PARD6G: variants seen among roughly 807,000 people sequenced by gnomAD.
PARD6G encodes partitioning defective 6 homolog gamma.
PARD6G carries 7 observed loss-of-function variants against 10.7 expected under a neutral mutation model. The ratio of observed to expected loss-of-function variants is 0.66; its 90% CI spans 0.37 to 1.23. The LOEUF (loss-of-function observed/expected upper bound fraction) is 1.23. PARD6G is among the 50% of genes most tolerant of loss of function. The pLI is 0.02. For synonymous variants in PARD6G, 287 were observed against 269.4 expected, an observed-to-expected ratio of 1.07 and a Z score of -0.64; for missense variants, 548 against 571.8, an observed-to-expected ratio of 0.96 and a Z score of 0.42.
chr18:80,169,665 A>G (rs2145250013), intron 2 of PARD6G: 1 of 152,250 alleles, frequency 6.6e-6, no homozygotes. Context: ...ATTCAACTTC[A>G]TTACCTAAAG....
chr18:80,184,518 C>G lies in PARD6G; in HGVS notation c.295+18192G>C, dbSNP rs1035213166. 1 of 151,412 alleles carries G rather than the reference C, an allele frequency of 6.6e-6. No individual in the cohort carries two copies. Among genetic ancestry groups the G allele is most frequent in the African/African-American group, 2.4e-5 (1 of 40,960 alleles). 9.4% of individuals were successfully genotyped at this position (151,412 alleles called of 1,614,324 possible). ...GTGAAACCCGCAGAGGGAGCAAGGC[C>G]GTGAAACCCGCAGCGGGAGCAAGGC... On this transcript the variant is annotated intron_variant, in intron 2 of 2. Transcript: ENST00000353265. The surrounding 1 kb of genome is among the most constrained non-coding windows in gnomAD (Gnocchi z 4.5).
At chr18:80,177,025 G>GCACA (rs111315126) in intron 2 of PARD6G, among the ~76,000 whole-genome samples, 41,952 of 136,968 alleles carry the variant, frequency 0.31, 6,774 homozygotes, top group Non-Finnish European at 0.37. Context: ...GCGCGCGCGT[G>GCACA]CACACACACA....
Position 80,166,298 on chromosome 18 carries a change from G to A in PARD6G, c.296-5692C>T, listed in dbSNP as rs149130964. ...CATGAGTGTGTTCCTCCTCTCTGCC[G>A]CACCCCAAGCAGAACAAAGGCCCAG... On this transcript the variant is annotated intron_variant, in intron 2 of 2. Coordinates refer to ENST00000353265, the MANE Select transcript of PARD6G (RefSeq NM_032510.4). 2.3e-3 allele frequency among the ~76,000 whole-genome samples: 353 copies of A among 150,862 alleles called. 2 individuals carry two copies. The highest frequency in any genetic ancestry group is 3.2e-3 in the Non-Finnish European group (215 of 67,884).
chr18:80,222,465 A>T (rs2145295215), intron 1 of PARD6G, among the ~76,000 whole-genome samples: 1 of 152,300 alleles, frequency 6.6e-6, no homozygotes, highest in Middle Eastern at 3.4e-3. Flanking sequence ...TCAGAATCTT[A>T]GCTGTATCTT....
chr18:80,233,834 T>C (rs1486893850), intron 1 of PARD6G, among the ~76,000 whole-genome samples: 3 of 152,128 alleles, frequency 2.0e-5, no homozygotes, highest in African/African-American at 7.2e-5. Flanking sequence ...ACTGACTGAT[T>C]TATAACCCAG....
chr18:80,239,304 G>A (rs1007906110), intron 1 of PARD6G, among the ~76,000 whole-genome samples: 1 of 152,198 alleles, frequency 6.6e-6, no homozygotes, highest in Non-Finnish European at 1.5e-5. Flanking sequence ...GGTCCTTGGA[G>A]CACTTGAGTG....
chr18:80,224,438 T>C (rs1194729601), intron 1 of PARD6G, among the ~76,000 whole-genome samples: 1 of 152,198 alleles, frequency 6.6e-6, no homozygotes, highest in Non-Finnish European at 1.5e-5. Context: ...ACAAACCTCC[T>C]CATCATGTGA....
intron 2 of PARD6G, chr18:80,171,183 G>A (rs1413215518): frequency 6.6e-6 from 1 of 152,278 alleles, no homozygotes; most frequent in East Asian, 1.9e-4. Flanking sequence ...GCTGTGCCTC[G>A]TCCAACAAGC....
chr18:80,195,548 C>CATACATATATATATATAT (rs767700720), intron 2 of PARD6G, among the ~76,000 whole-genome samples: 2 of 82,214 alleles, frequency 2.4e-5, no homozygotes, highest in African/African-American at 4.3e-5. Context: ...TTCAAAGATA[C>CATACATATATATATATAT]ATATATATAT....
chr18:80,195,058 G>A lies in PARD6G; in HGVS notation c.295+7652C>T, dbSNP rs564369482. ...GTCCCACCTTGGACGAATCACTTGA[G>A]CTCGAGATGATCATTGGCCTAATAT... On this transcript the variant is annotated intron_variant, in intron 2 of 2. Transcript: ENST00000353265. Among the ~76,000 whole-genome samples the A allele has an allele frequency of 1.7e-3, 264 of 152,044 alleles. 1 individual carries two copies. The Middle Eastern group carries it at 0.027, about 16-fold the overall frequency.
rs571674585 is a variant in PARD6G, at chr18:80,242,397, C to G, written c.72+4880G>C. On this transcript the variant is annotated intron_variant, in intron 1 of 2. Coordinates refer to ENST00000353265, the MANE Select transcript of PARD6G (RefSeq NM_032510.4). ...GCCTCAGCTCCATCCCACCGGCTGT[C>G]GCACATCACACAGCTGGAAGGGCAT... Among the ~76,000 whole-genome samples, 20 of 152,352 alleles carry G rather than the reference C, an allele frequency of 1.3e-4. No homozygotes were observed. In the South Asian group the frequency reaches 4.1e-3, roughly 32 times the overall value.
chr18:80,232,578 C>T (rs550233999), intron 1 of PARD6G, among the ~76,000 whole-genome samples: 7 of 152,222 alleles, frequency 4.6e-5, no homozygotes, highest in South Asian at 2.1e-4. Context: ...TTCACTACCA[C>T]GAGAACAATG....
intron 1 of PARD6G, among the ~76,000 whole-genome samples, chr18:80,244,987 G>A (rs1362577045): frequency 6.6e-6 from 1 of 152,140 alleles, no homozygotes; most frequent in Non-Finnish European, 1.5e-5. Context: ...GTAAGGCCCA[G>A]GTCAGTGTGG....
chr18:80,170,144 A>G (rs2052766028), intron 2 of PARD6G: 3 of 152,288 alleles, frequency 2.0e-5, no homozygotes, highest in Non-Finnish European at 4.4e-5. Context: ...CACTGGGTCA[A>G]AACACATGCC....
intron 1 of PARD6G, among the ~76,000 whole-genome samples, chr18:80,239,925 G>A (rs1180852643): frequency 1.3e-5 from 2 of 151,762 alleles, no homozygotes; most frequent in East Asian, 1.9e-4. Context: ...TCTGTTTCTG[G>A]GGAGGGCTTC....
chr18:80,202,669 T>C, intron 2 of PARD6G, 41 bp downstream of exon 2: 5 of 1,556,332 alleles, frequency 3.2e-6, no homozygotes, highest in South Asian at 1.1e-5. Flanking sequence ...TTAAAAATGA[T>C]TTCTCAACAA....
At chr18:80,172,705 G>A (rs1009941761) in intron 2 of PARD6G, among the ~76,000 whole-genome samples, 2 of 152,096 alleles carry the variant, frequency 1.3e-5, no homozygotes, top group Admixed American at 6.5e-5. Flanking sequence ...TTCTATTGAC[G>A]TGAGTATTCT....
At chr18:80,163,351 C>T (rs532281164) in intron 2 of PARD6G, among the ~76,000 whole-genome samples, 16 of 152,252 alleles carry the variant, frequency 1.1e-4, no homozygotes, top group East Asian at 1.9e-4. Context: ...ACAGCCTGGC[C>T]GCCTGTCCCA....
At chr18:80,172,955 A>G (rs1216143866) in intron 2 of PARD6G, among the ~76,000 whole-genome samples, 2 of 152,224 alleles carry the variant, frequency 1.3e-5, no homozygotes, top group African/African-American at 2.4e-5. Flanking sequence ...AGCAAATAAC[A>G]TTATCTGTTG....
Sources: gnomAD v4.1 joint callset for allele counts (sites outside exome capture counted in the v4.1 genomes callset) on GRCh38, gnomAD v4.1.1 for gene constraint, Gnocchi (gnomAD v3.1) non-coding constraint, MANE v1.5 for transcripts, NCBI Gene and HGNC (gene_info 2026-07-23, HGNC 2026-07-21) for gene names.